DPEP2: variants seen among roughly 807,000 people sequenced by gnomAD.
The protein encoded by DPEP2 is dipeptidase 2.
A neutral mutation model predicts 51.8 loss-of-function variants in DPEP2; 45 were observed. That is an observed-to-expected ratio of 0.87 (90% CI 0.68 to 1.11). DPEP2 has a LOEUF of 1.11. Ranked by LOEUF, DPEP2 falls within the 50% of genes most tolerant of loss-of-function variation. The pLI is 0.00. For missense variants in DPEP2, 604 were observed against 631.9 expected (o/e 0.96, Z 0.47); for synonymous variants, 255 against 262.7 (o/e 0.97, Z 0.28).
chr16:67,989,185 G>C, intron 9 of DPEP2, 138 bp downstream of exon 9: 2 of 912,430 alleles, frequency 2.2e-6, no homozygotes, highest in Non-Finnish European at 3.4e-6. Context: ...GGGTCACTGG[G>C]ATGAAGACAA....
chr16:67,993,542 C>T, intron 1 of DPEP2: 1 of 1,075,898 alleles, frequency 9.3e-7, no homozygotes, highest in Non-Finnish European at 1.1e-6. Flanking sequence ...CCACTGTCCC[C>T]AGGGGGCCGA....
chr16:67,987,825 G>A (rs2031584475), intron 10 of DPEP2, 27 bp downstream of exon 10: 1 of 1,614,048 alleles, frequency 6.2e-7, no homozygotes, highest in Non-Finnish European at 8.5e-7. Context: ...AGACCCCTCG[G>A]CTACTCTCTT....
rs578078148 is a variant in DPEP2 at position 67,988,002 on chromosome 16, G to C, written c.1071-15C>G. On this transcript the variant is annotated splice_polypyrimidine_tract_variant and intron_variant, in intron 9 of 10. Coordinates refer to ENST00000393847, the MANE Select transcript of DPEP2 (RefSeq NM_022355.4). Reference sequence around the variant, plus strand: ...CCTGAGGGAATCTGTGTGGCCACCAGCTAGTGGGTTTCAGACCTGATTCCC... The same window carrying C: ...CCTGAGGGAATCTGTGTGGCCACCACCTAGTGGGTTTCAGACCTGATTCCC... The C allele has an allele frequency of 5.0e-6, 8 of 1,614,120 alleles. No individual in the cohort carries two copies. Among genetic ancestry groups the C allele is most frequent in the Non-Finnish European group, 5.1e-6 (6 of 1,180,008 alleles).
At chr16:67,988,081 G>A in intron 9 of DPEP2, 94 bp from the exon 10 acceptor site, 1 of 1,542,328 alleles carries the variant, frequency 6.5e-7, no homozygotes, top group Non-Finnish European at 8.8e-7. Flanking sequence ...GCCCTGGTCA[G>A]GTATGGGAAG....
Position 67,993,094 on chromosome 16 carries a change from G to A in DPEP2, c.119C>T (p.Pro40Leu), listed in dbSNP as rs777610323. The change falls in exon 2 of 11, where the codon CCC becomes CTC. Residue 40 changes from proline to leucine, a missense_variant. Transcript: ENST00000393847. ...VTCAYTTPGP[P>L]RALTTLGAPR... is the part of the protein sequence containing the mutation. ...GGCGCCCAGCGTGGTGAGGGCTCTG[G>A]GGGGGCCTGGCGTGGTGTAGGCACA... is the stretch of plus-strand genomic sequence containing the variant. 1 of 1,569,682 alleles carries A rather than the reference G, an allele frequency of 6.4e-7. No homozygotes were observed. The highest frequency in any genetic ancestry group is 1.9e-5 in the Admixed American group (1 of 53,146).
rs774457717 is a variant in DPEP2, at chr16:67,992,071, C to T, written c.513G>A (p.Ser171=). 6.8e-6 allele frequency: 11 copies of T among 1,613,952 alleles called. No individual in the cohort carries two copies. The highest frequency in any genetic ancestry group is 6.7e-5 in the African/African-American group (5 of 74,870). ...TCCCATCAACTTGCCTACCTTTAGC[C>T]GAGGTCACAAGCTCCAGCTCAGAAT... The part of the protein sequence containing the change: ...ASYSELELVT[S]AKALNDTQKL... Residue 171 remains serine (S), a synonymous_variant, in exon 4 of 11, where the codon TCG becomes TCA. Transcript: ENST00000393847.
Position 67,987,611 on chromosome 16 carries a change from C to A in DPEP2, c.1356G>T (p.Trp452Cys). 6.2e-7 allele frequency: 1 copy of A among 1,614,182 alleles called. No homozygotes were observed. Among genetic ancestry groups the A allele is most frequent in the Non-Finnish European group, 8.5e-7 (1 of 1,180,036 alleles). ...ACCACTTGGCTGGTAACTTGGCTGTCCAGTGTATGGGAATCTCAGTGAGTT... is the reference window on the plus strand; with the variant it reads ...ACCACTTGGCTGGTAACTTGGCTGTACAGTGTATGGGAATCTCAGTGAGTT... ...GQELTEIPIH[W>C]TAKLPAKWSV... The change falls in exon 11 of 11, where the codon TGG becomes TGT. Residue 452 changes from tryptophan (W) to cysteine (C), a missense_variant. Coordinates refer to ENST00000393847, the MANE Select transcript of DPEP2 (RefSeq NM_022355.4).
chr16:67,992,322 C>T, intron 3 of DPEP2, 129 bp from the exon 4 acceptor site: 1 of 1,437,146 alleles, frequency 7.0e-7, no homozygotes, highest in Non-Finnish European at 9.4e-7. Flanking sequence ...GCTTCTTCCA[C>T]AGGGTCTTCC....
Position 67,992,532 on chromosome 16 carries a change from C to A in DPEP2, c.368G>T (p.Arg123Ile). 1.2e-6 allele frequency: 2 copies of A among 1,613,988 alleles called. No individual in the cohort carries two copies. Among genetic ancestry groups the A allele is most frequent in the Non-Finnish European group, 1.7e-6 (2 of 1,179,892 alleles). The change falls in exon 3 of 11, where the codon AGA (arginine) becomes ATA (isoleucine). Residue 123 changes from arginine to isoleucine, a missense_variant. By Grantham distance (97) the Arg-to-Ile change is moderately conservative. Transcript: ENST00000393847. ...SYGQTSLDRLRDGLVGAQFWS... is the reference protein window; with the variant it reads ...SYGQTSLDRLIDGLVGAQFWS... ...TACCTGGGCGCCCACGAGGCCATCT[C>A]TAAGCCTGTCCAGGCTGGTCTGGCC... is the stretch of plus-strand genomic sequence containing the variant.
chr16:68,000,437 C>G (rs2032954775), upstream of DPEP2: 1 of 985,352 alleles, frequency 1.0e-6, no homozygotes, highest in Non-Finnish European at 1.2e-6. Flanking sequence ...TGGGGTGCAG[C>G]TGGGGCTTAC....
rs140015587 is a variant in DPEP2 at position 67,998,599 on chromosome 16, G to A, written c.-46+776C>T. Among the ~76,000 whole-genome samples, 1,357 of 152,324 alleles carry A rather than the reference G, an allele frequency of 8.9e-3. 50 individuals carry two copies. The highest frequency in any genetic ancestry group is 0.072 in the East Asian group (370 of 5,172). ...CGACCACCACAGGGCTGAGGAGTGC[G>A]GGCGCATGGCGCAGGACTGGCAGGC... On this transcript the variant is annotated intron_variant, in intron 1 of 10. Transcript: ENST00000393847.
At position 67,991,224 on chromosome 16, in the gene DPEP2, C is replaced by T. The variant is rs767890590; in HGVS notation, c.663-40G>A. On this transcript the variant is annotated intron_variant, in intron 5 of 10. Coordinates refer to ENST00000393847, the MANE Select transcript of DPEP2 (RefSeq NM_022355.4). This position sits in a 1 kb window ranked among gnomAD's most constrained non-coding sequence, Gnocchi z 5.1. ...GGAAGCAGTCTGACTGGTAGCTGTTCCTCGGCCTCAAGAGTCTAGAGGCCC... is the reference window on the plus strand; with the variant it reads ...GGAAGCAGTCTGACTGGTAGCTGTTTCTCGGCCTCAAGAGTCTAGAGGCCC... 1.2e-6 allele frequency: 2 copies of T among 1,607,260 alleles called. No individual in the cohort carries two copies. The highest frequency in any genetic ancestry group is 2.2e-5 in the East Asian group (1 of 44,814).
chr16:67,993,662 G>C (rs1004238206), intron 1 of DPEP2: 1 of 988,734 alleles, frequency 1.0e-6, no homozygotes, highest in Non-Finnish European at 1.2e-6. Context: ...TGCAGACCAC[G>C]TCATGTCCCC....
chr16:67,997,622 C>G (rs1330093090), intron 1 of DPEP2, among the ~76,000 whole-genome samples: 2 of 152,172 alleles, frequency 1.3e-5, no homozygotes, highest in Non-Finnish European at 2.9e-5. Flanking sequence ...TCCCAAAGTG[C>G]TAGGATTACA....
chr16:67,990,280 G>T (rs946032359), intron 7 of DPEP2, 149 bp from the exon 8 acceptor site: 6 of 699,256 alleles, frequency 8.6e-6, no homozygotes, highest in Non-Finnish European at 1.2e-5. Context: ...ATGAAGGGAG[G>T]AGTCTAGGCC....
chr16:67,992,880 C>T, intron 2 of DPEP2, 70 bp downstream of exon 2: 1 of 1,536,372 alleles, frequency 6.5e-7, no homozygotes, highest in Non-Finnish European at 8.8e-7. Flanking sequence ...CACAGCCCTG[C>T]ATACTCTGGG....
Position 67,992,986 on chromosome 16 carries a change from G to C in DPEP2, c.227C>G (p.Ala76Gly). 6.2e-7 allele frequency: 1 copy of C among 1,610,574 alleles called. No homozygotes were observed. The highest frequency in any genetic ancestry group is 1.1e-5 in the South Asian group (1 of 90,448). ...SPSTQGLQEQ[A>G]RALMRDFPLV... is the part of the protein sequence containing the mutation. ...CGGGAAGTCCCGCATCAGGGCCCGT[G>C]CCTGCTCTTGCAGGCCCTGGGTGCT... The change falls in exon 2 of 11, where the codon GCA becomes GGA. Residue 76 changes from alanine to glycine, a missense_variant. Ala to Gly is a moderately conservative substitution (Grantham distance 60). Transcript: ENST00000393847.
Position 67,987,758 on chromosome 16 carries a change from T to A in DPEP2, c.1209A>T (p.Val403=). The change falls in exon 11 of 11, where the codon GTA becomes GTT. Residue 403 remains valine (V), a splice_region_variant and synonymous_variant. Coordinates refer to ENST00000393847, the MANE Select transcript of DPEP2 (RefSeq NM_022355.4). ...GGCTTTGCCATTTGTTTTCTTCCTGTACCTAGAGGTGGCAGTCGGTGCTCA... is the reference window on the plus strand; with the variant it reads ...GGCTTTGCCATTTGTTTTCTTCCTGAACCTAGAGGTGGCAGTCGGTGCTCA... ...LLRVFRQVEK[V]QEENKWQSPL... The A allele has an allele frequency of 6.2e-7, 1 of 1,612,920 alleles. No homozygotes were observed. Among genetic ancestry groups the A allele is most frequent in the Non-Finnish European group, 8.5e-7 (1 of 1,178,912 alleles).
Position 67,990,877 on chromosome 16 carries a change from C to G in DPEP2, c.853G>C (p.Ala285Pro). Residue 285 changes from alanine (A) to proline (P), a missense_variant, in exon 7 of 11, where the codon GCC (alanine) becomes CCC (proline). By Grantham distance (27) the Ala-to-Pro change is conservative (BLOSUM62 -1). Coordinates refer to ENST00000393847, the MANE Select transcript of DPEP2 (RefSeq NM_022355.4). ...CGAGCACTGTTGCACACACCCCGGG[C>G]AGCCGAGTGGGAGAAGATCACAGGT... ...QAPVIFSHSA[A>P]RGVCNSARNV... is the part of the protein sequence containing the mutation. 1 of 1,614,204 alleles carries G rather than the reference C, an allele frequency of 6.2e-7. No individual in the cohort carries two copies. The highest frequency in any genetic ancestry group is 8.5e-7 in the Non-Finnish European group (1 of 1,180,042).
Sources: allele counts gnomAD v4.1 joint callset (sites outside exome capture counted in the v4.1 genomes callset), GRCh38; gene constraint gnomAD v4.1.1; non-coding constraint Gnocchi (gnomAD v3.1); transcripts MANE v1.5; gene names NCBI Gene and HGNC (gene_info 2026-07-23, HGNC 2026-07-21).